The following PCDHGA8 variants were observed in gnomAD, a reference collection of about 807,000 sequenced individuals.
PCDHGA8 encodes protocadherin gamma-A8.
In PCDHGA8, 45 loss-of-function variants were observed where a neutral mutation model predicts 59.2. The ratio of observed to expected loss-of-function variants is 0.76; its 90% CI spans 0.60 to 0.98. The LOEUF (loss-of-function observed/expected upper bound fraction) is 0.98. PCDHGA8 is among the 50% of genes least tolerant of loss of function. The pLI is 0.00. For synonymous variants in PCDHGA8, 531 were observed against 519.0 expected (o/e 1.02, Z -0.32); for missense variants, 1,257 against 1,196.2 (o/e 1.05, Z -0.75).
intron 1 of PCDHGA8, chr5:141,395,894 C>G (rs768471284): frequency 1.3e-5 from 2 of 152,020 alleles, no homozygotes; most frequent in Non-Finnish European, 2.9e-5. Flanking sequence ...CACCTGGGCT[C>G]CATGCCCATG....
rs1375291090 is a variant in PCDHGA8, at chr5:141,392,672, T to A, written c.-142T>A. 5.7e-6 allele frequency: 5 copies of A among 880,364 alleles called. No homozygotes were observed. In the Admixed American group the frequency reaches 1.3e-4, roughly 22 times the overall value. 54.5% of individuals were successfully genotyped at this position (880,364 alleles called of 1,614,324 possible). A position where few individuals can be genotyped will look rare whatever the true frequency, so the allele number is the denominator to read the frequency against. Reference sequence around the variant, plus strand: ...CCCGCAGATGCCACAAACTAACTGCTGGACTGCAGCGAAACCCGACCCCTG... The same window carrying A: ...CCCGCAGATGCCACAAACTAACTGCAGGACTGCAGCGAAACCCGACCCCTG... On this transcript the variant is annotated 5_prime_UTR_variant, in exon 1 of 4. Transcript: ENST00000398604.
chr5:141,491,714 C>A lies in PCDHGA8; in HGVS notation c.2425-3093C>A, dbSNP rs1321811999. On this transcript the variant is annotated intron_variant, in intron 1 of 3. Transcript: ENST00000398604. The surrounding 1 kb of genome is among the most constrained non-coding windows in gnomAD (Gnocchi z 6.9). ...GAGCGGAGCCAGGTGAGGGGCTCGG[C>A]GCCGCCCCGGGCGACCCCTGGGGGC... 2 of 1,608,742 alleles carry A rather than the reference C, an allele frequency of 1.2e-6. No individual in the cohort carries two copies. The highest frequency in any genetic ancestry group is 1.7e-6 in the Non-Finnish European group (2 of 1,177,914).
chr5:141,453,099 C>CT (rs568622146), intron 1 of PCDHGA8, among the ~76,000 whole-genome samples: 1 of 151,962 alleles, frequency 6.6e-6, no homozygotes, highest in East Asian at 1.9e-4. Flanking sequence ...TTTTCTGTTG[C>CT]TTTTTTGTTT....
At position 141,447,667 on chromosome 5, in the gene PCDHGA8, G is replaced by A. The variant is rs115529144; in HGVS notation, c.2425-47140G>A. 2.4e-3 allele frequency among the ~76,000 whole-genome samples: 372 copies of A among 152,278 alleles called. 2 individuals are homozygous for A. Among genetic ancestry groups the A allele is most frequent in the African/African-American group, 8.6e-3 (358 of 41,546 alleles). The stretch of plus-strand genomic sequence containing the variant: ...TAGAATTTTCCCCCCCAGGAAGTTA[G>A]AACTGTTCCATATCTTGATAGAGGG... On this transcript the variant is annotated intron_variant, in intron 1 of 3. Transcript: ENST00000398604.
chr5:141,434,401 T>C (rs1036239430), intron 1 of PCDHGA8, among the ~76,000 whole-genome samples: 2 of 152,242 alleles, frequency 1.3e-5, no homozygotes. Context: ...ACAAAATCTC[T>C]GCAGCACTGT....
At chr5:141,478,332 G>A (rs773442842) in intron 1 of PCDHGA8, 1 of 1,613,924 alleles carries the variant, frequency 6.2e-7, no homozygotes, top group Non-Finnish European at 8.5e-7. Context: ...CGAACACCAG[G>A]GCCCTCCTTG....
chr5:141,490,405 ATC>A lies in PCDHGA8; in HGVS notation c.2425-4397_2425-4396del, dbSNP rs765446736. 1 of 1,614,142 alleles carries A rather than the reference ATC, an allele frequency of 6.2e-7. No individual in the cohort carries two copies. The highest frequency in any genetic ancestry group is 8.5e-7 in the Non-Finnish European group (1 of 1,180,028). ...TAGAAATGGTGAAGTGAGCCTTGATATCTCTCCGGACCTGCCATTTCAGATTA... is the reference window on the plus strand; with the variant it reads ...TAGAAATGGTGAAGTGAGCCTTGATATCTCCGGACCTGCCATTTCAGATTA... On this transcript the variant is annotated intron_variant, in intron 1 of 3. Transcript: ENST00000398604. The surrounding 1 kb of genome is among the most constrained non-coding windows in gnomAD (Gnocchi z 5.4).
At chr5:141,409,153 G>A in intron 1 of PCDHGA8, 1 of 1,614,026 alleles carries the variant, frequency 6.2e-7, no homozygotes. Context: ...GGTACACCAT[G>A]GAAGTGGAAG....
At chr5:141,399,409 CT>C in intron 1 of PCDHGA8, 2 of 1,614,052 alleles carry the variant, frequency 1.2e-6, no homozygotes, top group South Asian at 2.2e-5. Flanking sequence ...CAAGCCGCCC[CT>C]CTCCTCCAGC....
chr5:141,471,036 C>A (rs1437409726), intron 1 of PCDHGA8, among the ~76,000 whole-genome samples: 1 of 144,908 alleles, frequency 6.9e-6, no homozygotes, highest in Admixed American at 7.0e-5. Context: ...TATTAACAAG[C>A]CCAAGCCCTC....
chr5:141,428,423 G>C (rs939814279), intron 1 of PCDHGA8: 1 of 440,550 alleles, frequency 2.3e-6, no homozygotes, highest in Non-Finnish European at 4.3e-6. Flanking sequence ...CCTGGTCTCT[G>C]TTCTAAGACT....
intron 1 of PCDHGA8, among the ~76,000 whole-genome samples, chr5:141,402,058 TA>T: frequency 6.6e-6 from 1 of 152,304 alleles, no homozygotes; most frequent in South Asian, 2.1e-4. Flanking sequence ...ATATTCACAT[TA>T]AAAAACTAAG....
At chr5:141,427,480 A>G in intron 1 of PCDHGA8, 1 of 531,758 alleles carries the variant, frequency 1.9e-6, no homozygotes, top group South Asian at 1.5e-5. Context: ...GCCAATAATG[A>G]CTATAAGCTT....
At chr5:141,474,658 A>G (rs950490550) in intron 1 of PCDHGA8, among the ~76,000 whole-genome samples, 13 of 152,176 alleles carry the variant, frequency 8.5e-5, no homozygotes, top group African/African-American at 3.1e-4. Flanking sequence ...CTTCTTTTCT[A>G]CCTACCTAAC....
At position 141,489,657 on chromosome 5, in the gene PCDHGA8, G is replaced by T. The variant is rs755618175; in HGVS notation, c.2425-5150G>T. 6.2e-7 allele frequency: 1 copy of T among 1,614,198 alleles called. No individual in the cohort carries two copies. Among genetic ancestry groups the T allele is most frequent in the Admixed American group, 1.7e-5 (1 of 60,030 alleles). ...CTAGCTTTGCCACCCCTGAGCGAGA[G>T]ATGCGCATCTCAGAATCAGCAGCAT... On this transcript the variant is annotated intron_variant, in intron 1 of 3. Coordinates refer to ENST00000398604, the MANE Select transcript of PCDHGA8 (RefSeq NM_032088.2). This position sits in a 1 kb window ranked among gnomAD's most constrained non-coding sequence, Gnocchi z 4.5.
At position 141,431,645 on chromosome 5, in the gene PCDHGA8, T is replaced by G. The variant is rs2097404203; in HGVS notation, c.2424+36408T>G. ...GGCGGCCCAAGTTTTCAAACTAGAT[T>G]GTAATTCAGGGACAATATCAACAAT... On this transcript the variant is annotated intron_variant, in intron 1 of 3. Coordinates refer to ENST00000398604, the MANE Select transcript of PCDHGA8 (RefSeq NM_032088.2). This position sits in a 1 kb window ranked among gnomAD's most constrained non-coding sequence, Gnocchi z 4.8. The G allele has an allele frequency of 2.5e-6, 4 of 1,614,236 alleles. No homozygotes were observed. Among genetic ancestry groups the G allele is most frequent in the Non-Finnish European group, 3.4e-6 (4 of 1,180,044 alleles).
intron 1 of PCDHGA8, among the ~76,000 whole-genome samples, chr5:141,401,180 A>G (rs1006390606): frequency 2.6e-5 from 4 of 152,196 alleles, no homozygotes; most frequent in Non-Finnish European, 5.9e-5. Context: ...CGTCTCTACT[A>G]AAAATACAAA....
chr5:141,400,221 C>T (rs377228541), intron 1 of PCDHGA8: 36 of 1,614,060 alleles, frequency 2.2e-5, no homozygotes, highest in Admixed American at 6.7e-5. Flanking sequence ...TCTCAGTGCT[C>T]TTCCTCCTGG....
chr5:141,419,737 G>C lies in PCDHGA8; in HGVS notation c.2424+24500G>C, dbSNP rs201663350. The C allele has an allele frequency of 1.9e-6, 3 of 1,613,718 alleles. No homozygotes were observed. In the African/African-American group the frequency reaches 4.0e-5, roughly 22 times the overall value. Reference sequence around the variant, plus strand: ...GCCTGGGGCTGCGAACAGGCGAGGTGCGCATGGTGCGTGCTTTGGGTGACA... The same window carrying C: ...GCCTGGGGCTGCGAACAGGCGAGGTCCGCATGGTGCGTGCTTTGGGTGACA... On this transcript the variant is annotated intron_variant, in intron 1 of 3. Transcript: ENST00000398604.
Sources: allele counts gnomAD v4.1 joint callset (sites outside exome capture counted in the v4.1 genomes callset), GRCh38; gene constraint gnomAD v4.1.1; non-coding constraint Gnocchi (gnomAD v3.1); transcripts MANE v1.5; gene names NCBI Gene and HGNC (gene_info 2026-07-23, HGNC 2026-07-21).